The following DUSP8 variants were observed in gnomAD, a reference collection of about 807,000 sequenced individuals.
The protein encoded by DUSP8 is dual specificity protein phosphatase 8.
A neutral mutation model predicts 38.7 loss-of-function variants in DUSP8; 15 were observed. The observed-to-expected ratio is 0.39, with a 90% CI of 0.26 to 0.60. The LOEUF is 0.60. DUSP8 is among the 20% of genes least tolerant of loss of function. The pLI is 0.56. For synonymous variants in DUSP8, 458 were observed against 433.9 expected, an observed-to-expected ratio of 1.06 and a Z score of -0.69; for missense variants, 768 against 915.0, an observed-to-expected ratio of 0.84 and a Z score of 2.07.
intron 2 of DUSP8, 87 bp from the exon 3 acceptor site, chr11:1,564,076 G>C: frequency 7.4e-7 from 1 of 1,352,146 alleles, no homozygotes; most frequent in Non-Finnish European, 9.6e-7. Context: ...CAAGGGAATA[G>C]TAAGGGCATC....
Position 1,558,981 on chromosome 11 carries a change from G to C in DUSP8, c.445C>G (p.Leu149Val). ...GGCACAGGCAGGCAGGGCTGGGAGAGGCTCATGGGTAGCAGGGCAGCAGGC... is the reference window on the plus strand; with the variant it reads ...GGCACAGGCAGGCAGGGCTGGGAGACGCTCATGGGTAGCAGGGCAGCAGGC... Reference protein sequence around the residue: ...GKPAALLPMSLSQPCLPVPSV... With the variant: ...GKPAALLPMSVSQPCLPVPSV... Residue 149 changes from leucine (L) to valine (V), a missense_variant, in exon 4 of 7, where the codon CTC (leucine) becomes GTC (valine). Around this residue, in one of 3 missense-constraint regions of DUSP8, gnomAD observed 252 missense variants for 410.4 expected, o/e 0.61. Coordinates refer to ENST00000397374, the MANE Select transcript of DUSP8 (RefSeq NM_004420.3). This position sits in a 1 kb window ranked among gnomAD's most constrained non-coding sequence, Gnocchi z 6.3. 1 of 1,612,364 alleles carries C rather than the reference G, an allele frequency of 6.2e-7. No individual in the cohort carries two copies. Among genetic ancestry groups the C allele is most frequent in the Non-Finnish European group, 8.5e-7 (1 of 1,179,854 alleles).
At chr11:1,569,358 G>A (rs1006855798) in intron 1 of DUSP8, among the ~76,000 whole-genome samples, 3 of 152,202 alleles carry the variant, frequency 2.0e-5, no homozygotes, top group South Asian at 2.1e-4. Flanking sequence ...CCAGTGCTGC[G>A]TGCACACTGC....
chr11:1,570,818 G>A (rs1848877088), intron 1 of DUSP8, among the ~76,000 whole-genome samples: 1 of 152,258 alleles, frequency 6.6e-6, no homozygotes, highest in South Asian at 2.1e-4. Context: ...ACCGCCCTAG[G>A]TGCAACAGTG....
intron 1 of DUSP8, among the ~76,000 whole-genome samples, chr11:1,569,374 G>C (rs940457519): frequency 1.3e-5 from 2 of 152,128 alleles, no homozygotes; most frequent in Admixed American, 1.3e-4. Flanking sequence ...ACTGCCCTCT[G>C]TGCGTGCCAG....
In DUSP8 at chr11:1,557,906, G is replaced by A; in HGVS notation, c.709C>T (p.Leu237Phe). Residue 237 changes from leucine (L) to phenylalanine (F), a missense_variant, in exon 6 of 7, where the codon CTC (leucine) becomes TTC (phenylalanine). By Grantham distance (22) the Leu-to-Phe change is conservative. Around this residue, in one of 3 missense-constraint regions of DUSP8, gnomAD observed 252 missense variants for 410.4 expected, o/e 0.61. Transcript: ENST00000397374. The surrounding 1 kb of genome is among the most constrained non-coding windows in gnomAD (Gnocchi z 9.9). Reference sequence around the variant, plus strand: ...TGGACGATGACTTGGCAGCTGGAGAGCTTGGCTTTATCTGGGCAGGTGGGC... The same window carrying A: ...TGGACGATGACTTGGCAGCTGGAGAACTTGGCTTTATCTGGGCAGGTGGGC... ...KSIEFIDKAKLSSCQVIVHCL... is the reference protein window; with the variant it reads ...KSIEFIDKAKFSSCQVIVHCL... 6.2e-7 allele frequency: 1 copy of A among 1,613,958 alleles called. No homozygotes were observed.
chr11:1,566,651 G>A (rs995688532), intron 1 of DUSP8, among the ~76,000 whole-genome samples: 5 of 152,208 alleles, frequency 3.3e-5, no homozygotes, highest in Non-Finnish European at 5.9e-5. Context: ...TGAGTGCCCA[G>A]CTCCTGCAGG....
intron 2 of DUSP8, 45 bp from the exon 3 acceptor site, chr11:1,564,034 G>T: frequency 7.1e-7 from 1 of 1,403,782 alleles, no homozygotes. Context: ...TCCACCTATC[G>T]ATGCCCTGGC....
chr11:1,568,796 G>A (rs1848845448), intron 1 of DUSP8, among the ~76,000 whole-genome samples: 1 of 152,202 alleles, frequency 6.6e-6, no homozygotes, highest in African/African-American at 2.4e-5. Flanking sequence ...TCTCTGTACT[G>A]CGAAGGGCTG....
In DUSP8 at chr11:1,558,279, G is replaced by A; in HGVS notation, c.538-8C>T. 1 of 1,501,998 alleles carries A rather than the reference G, an allele frequency of 6.7e-7. No homozygotes were observed. Among genetic ancestry groups the A allele is most frequent in the Admixed American group, 1.9e-5 (1 of 51,744 alleles). The allele number at this position is 1,501,998 out of a possible 1,614,324, so 93.0% of individuals were successfully genotyped here. A position where few individuals can be genotyped will look rare whatever the true frequency, so the allele number is the denominator to read the frequency against. ...ATTTTGCGTCATCAGATCCTGGAGG[G>A]GCGGGAGGGCGGGTTGGAAAGGGGT... On this transcript the variant is annotated splice_polypyrimidine_tract_variant and splice_region_variant and intron_variant, in intron 4 of 6. Transcript: ENST00000397374. The surrounding 1 kb of genome is among the most constrained non-coding windows in gnomAD (Gnocchi z 6.3).
In DUSP8 at chr11:1,557,676, C is replaced by T; in HGVS notation, c.822-102G>A. On this transcript the variant is annotated intron_variant, in intron 6 of 6. Transcript: ENST00000397374. This position sits in a 1 kb window ranked among gnomAD's most constrained non-coding sequence, Gnocchi z 9.9. ...GAGCTCATGTGCGCCAGGCTGGTCT[C>T]AGGCCCTCCTCCCTTGCCACGGGTC... 1 of 1,562,196 alleles carries T rather than the reference C, an allele frequency of 6.4e-7. No individual in the cohort carries two copies. The highest frequency in any genetic ancestry group is 8.7e-7 in the Non-Finnish European group (1 of 1,153,396).
rs1399745707 is a variant in DUSP8, at chr11:1,555,253, C to T, written c.*1265G>A. On this transcript the variant is annotated 3_prime_UTR_variant, in exon 7 of 7. Coordinates refer to ENST00000397374, the MANE Select transcript of DUSP8 (RefSeq NM_004420.3). ...TGGCATGCCACCTAGAGAGAGAGCACCCTGGGAAAGGGGTGAATGGGAGTT... is the reference window on the plus strand; with the variant it reads ...TGGCATGCCACCTAGAGAGAGAGCATCCTGGGAAAGGGGTGAATGGGAGTT... 4.0e-6 allele frequency: 4 copies of T among 987,832 alleles called. No individual in the cohort carries two copies. The African/African-American group carries it at 7.0e-5, about 17-fold the overall frequency. The allele number at this position is 987,832 out of a possible 1,614,324, so 61.2% of individuals were successfully genotyped here.
chr11:1,566,095 G>A (rs1848800021), intron 1 of DUSP8, among the ~76,000 whole-genome samples, 161 bp from the exon 2 acceptor site: 2 of 152,232 alleles, frequency 1.3e-5, no homozygotes, highest in Admixed American at 6.5e-5. Context: ...CAGGTCACAA[G>A]GCCAGCTCTC....
At chr11:1,564,088 G>A (rs1848764599) in intron 2 of DUSP8, 99 bp from the exon 3 acceptor site, 1 of 1,325,668 alleles carries the variant, frequency 7.5e-7, no homozygotes. Flanking sequence ...AAGGGCATCA[G>A]ATGATGGGAG....
At chr11:1,563,030 G>T (rs1848746638) in intron 3 of DUSP8, among the ~76,000 whole-genome samples, 2 of 152,154 alleles carry the variant, frequency 1.3e-5, no homozygotes. Context: ...ACTGGATGCA[G>T]GGCCAAGGGC....
Position 1,557,294 on chromosome 11 carries a change from T to C in DUSP8, c.1102A>G (p.Ser368Gly), listed in dbSNP as rs1444301976. 1.4e-6 allele frequency: 2 copies of C among 1,469,750 alleles called. No homozygotes were observed. The highest frequency in any genetic ancestry group is 1.5e-5 in the African/African-American group (1 of 67,052). 91.0% of individuals were successfully genotyped at this position (1,469,750 alleles called of 1,614,324 possible). ...PPAPPTPPAT[S>G]ALQQGLRGLH... ...CCGCGCAGGCCCTGCTGCAGTGCGC[T>C]GGTCGCCGGGGGCGTGGGGGGCGCG... Residue 368 changes from serine to glycine, a missense_variant, in exon 7 of 7, where the codon AGC becomes GGC. Coordinates refer to ENST00000397374, the MANE Select transcript of DUSP8 (RefSeq NM_004420.3). This position sits in a 1 kb window ranked among gnomAD's most constrained non-coding sequence, Gnocchi z 9.9.
Position 1,561,385 on chromosome 11 carries a change from G to A in DUSP8, c.371-2330C>T, listed in dbSNP as rs999593481. On this transcript the variant is annotated intron_variant, in intron 3 of 6. Coordinates refer to ENST00000397374, the MANE Select transcript of DUSP8 (RefSeq NM_004420.3). ...AGCGCTTATGGCCACAGTCACAGAC[G>A]CACTTCTGCCCGCCACCTCCATGAC... Among the ~76,000 whole-genome samples the A allele has an allele frequency of 1.5e-4, 23 of 152,200 alleles. 1 individual carries two copies. Among genetic ancestry groups the A allele is most frequent in the Admixed American group, 1.4e-3 (22 of 15,288 alleles).
intron 3 of DUSP8, among the ~76,000 whole-genome samples, chr11:1,561,544 C>G (rs948965078): frequency 4.6e-5 from 7 of 152,248 alleles, no homozygotes; most frequent in Non-Finnish European, 8.8e-5. Flanking sequence ...GCCGCTTGCC[C>G]CCCAACATCG....
chr11:1,555,499 G>GCCC lies in DUSP8; in HGVS notation c.*1018_*1019insGGG. On this transcript the variant is annotated 3_prime_UTR_variant, in exon 7 of 7. Coordinates refer to ENST00000397374, the MANE Select transcript of DUSP8 (RefSeq NM_004420.3). The stretch of plus-strand genomic sequence containing the variant: ...GGGGCATGGCTGGGAGGGGGGCGGG[G>GCCC]CAGACCTGGAACAGAACCCTAAGAC... 8.6e-6 allele frequency: 3 copies of GCCC among 348,840 alleles called. No homozygotes were observed. The highest frequency in any genetic ancestry group is 1.2e-5 in the Non-Finnish European group (3 of 248,808). The allele number at this position is 348,840 out of a possible 1,614,324, so 21.6% of individuals were successfully genotyped here.
Position 1,558,364 on chromosome 11 carries a change from C to T in DUSP8, c.538-93G>A. The T allele has an allele frequency of 5.5e-6, 6 of 1,081,434 alleles. No homozygotes were observed. Among genetic ancestry groups the T allele is most frequent in the Non-Finnish European group, 8.0e-6 (6 of 749,234 alleles). The allele number at this position is 1,081,434 out of a possible 1,614,324, so 67.0% of individuals were successfully genotyped here. ...TTTTCCTGCCCTGCCGTCAGGAGGG[C>T]CTTTAGAATCCTGGGAGCCTTGGAA... On this transcript the variant is annotated intron_variant, in intron 4 of 6. Transcript: ENST00000397374. The surrounding 1 kb of genome is among the most constrained non-coding windows in gnomAD (Gnocchi z 6.3).
Sources: allele counts gnomAD v4.1 joint callset (sites outside exome capture counted in the v4.1 genomes callset), GRCh38; gene constraint gnomAD v4.1.1; regional missense constraint gnomAD v4.1.1; non-coding constraint Gnocchi (gnomAD v3.1); transcripts MANE v1.5; gene names NCBI Gene and HGNC (gene_info 2026-07-23, HGNC 2026-07-21).